The following IL15 variants were observed in gnomAD, a reference collection of about 807,000 sequenced individuals.
IL15 encodes interleukin 15.
IL15 carries 11 observed loss-of-function variants against 19.6 expected under a neutral mutation model. The ratio of observed to expected loss-of-function variants is 0.56; its 90% confidence interval spans 0.35 to 0.93. The LOEUF is 0.93. Ranked by LOEUF, IL15 falls within the 40% of genes least tolerant of loss-of-function variation. IL15 has a pLI of 0.01. For missense variants in IL15, 197 were observed against 186.5 expected (o/e 1.06, Z -0.33); for synonymous variants, 58 against 59.6 (o/e 0.97, Z 0.12).
intron 1 of IL15, among the ~76,000 whole-genome samples, chr4:141,641,737 T>G (rs1200130206): frequency 6.6e-6 from 1 of 150,696 alleles, no homozygotes; most frequent in Non-Finnish European, 1.5e-5. Flanking sequence ...ATATACCTAA[T>G]GTAAATGACG....
chr4:141,720,793 A>G (rs937485858), intron 4 of IL15: 14 of 560,220 alleles, frequency 2.5e-5, no homozygotes, highest in African/African-American at 1.5e-4. Context: ...ATAGCCCTCA[A>G]ATAAATTGGG....
chr4:141,637,599 A>G (rs903946681), intron 1 of IL15, among the ~76,000 whole-genome samples: 7 of 152,178 alleles, frequency 4.6e-5, no homozygotes, highest in African/African-American at 1.7e-4. Context: ...TAGCAAGGGT[A>G]TATAGTTCAT....
At chr4:141,638,892 A>G (rs1400958230) in intron 1 of IL15, among the ~76,000 whole-genome samples, 1 of 152,192 alleles carries the variant, frequency 6.6e-6, no homozygotes, top group Non-Finnish European at 1.5e-5. Flanking sequence ...TTGAAAATAT[A>G]GACTACTGTC....
intron 2 of IL15, among the ~76,000 whole-genome samples, chr4:141,712,843 C>G (rs1729755132): frequency 6.6e-6 from 1 of 151,410 alleles, no homozygotes; most frequent in African/African-American, 2.4e-5. Context: ...ACCAATTTGT[C>G]TTATTTTAAG....
At chr4:141,668,525 C>A (rs72712404) in intron 2 of IL15, among the ~76,000 whole-genome samples, 1 of 152,148 alleles carries the variant, frequency 6.6e-6, no homozygotes, top group South Asian at 2.1e-4. Flanking sequence ...TGAGACTACC[C>A]TTCATGTTGG....
intron 2 of IL15, among the ~76,000 whole-genome samples, chr4:141,701,634 T>A (rs140605432): frequency 5.3e-5 from 8 of 152,326 alleles, no homozygotes; most frequent in African/African-American, 1.7e-4. Context: ...TGGTAGTCAC[T>A]GGTTGTAGCT....
chr4:141,714,079 TCTC>T (rs1466557165), intron 2 of IL15, among the ~76,000 whole-genome samples: 1 of 151,920 alleles, frequency 6.6e-6, no homozygotes, highest in African/African-American at 2.4e-5. Context: ...TCCTCTTCCC[TCTC>T]CTCCTCCTCC....
intron 2 of IL15, among the ~76,000 whole-genome samples, chr4:141,704,808 G>A (rs1338185352): frequency 6.6e-6 from 1 of 151,264 alleles, no homozygotes; most frequent in East Asian, 1.9e-4. Flanking sequence ...TTTTAATTTT[G>A]ATAGGTCATA....
At chr4:141,672,158 C>A (rs983892410) in intron 2 of IL15, among the ~76,000 whole-genome samples, 2 of 152,064 alleles carry the variant, frequency 1.3e-5, no homozygotes, top group East Asian at 1.9e-4. Context: ...CAACTTCTAA[C>A]CAATAGGTTA....
intron 2 of IL15, among the ~76,000 whole-genome samples, chr4:141,684,137 C>T (rs1728632952): frequency 6.6e-6 from 1 of 152,106 alleles, no homozygotes. Context: ...CCAGCCTGTA[C>T]CCAGACAGCT....
In IL15 at chr4:141,649,942, A is replaced by G. The variant is rs115898336; in HGVS notation, c.-221-6244A>G. On this transcript the variant is annotated intron_variant, in intron 1 of 7. Transcript: ENST00000320650. ...CAACAAATTTAATACAGGGCTCAGA[A>G]AAACATTTTTTGTTTTACATTTTGG... is the stretch of plus-strand genomic sequence containing the variant. 9.7e-3 allele frequency among the ~76,000 whole-genome samples: 1,480 copies of G among 152,262 alleles called. 23 individuals are homozygous for G. Among genetic ancestry groups the G allele is most frequent in the African/African-American group, 0.034 (1,423 of 41,562 alleles).
chr4:141,659,601 T>C (rs150892596), intron 2 of IL15, among the ~76,000 whole-genome samples: 1 of 152,338 alleles, frequency 6.6e-6, no homozygotes, highest in African/African-American at 2.4e-5. Flanking sequence ...ATTTGAGACA[T>C]TTTTAGTAAT....
chr4:141,698,136 T>C (rs1320846655), intron 2 of IL15, among the ~76,000 whole-genome samples: 2 of 152,088 alleles, frequency 1.3e-5, no homozygotes, highest in African/African-American at 4.8e-5. Context: ...TGATGTATCA[T>C]ATTTATTGAC....
chr4:141,709,990 G>A (rs1239902665), intron 2 of IL15, among the ~76,000 whole-genome samples: 1 of 152,028 alleles, frequency 6.6e-6, no homozygotes, highest in Non-Finnish European at 1.5e-5. Flanking sequence ...AGAAGATGCA[G>A]TATTTGATTT....
At chr4:141,667,293 G>A (rs1029078264) in intron 2 of IL15, among the ~76,000 whole-genome samples, 3 of 152,122 alleles carry the variant, frequency 2.0e-5, no homozygotes, top group Non-Finnish European at 2.9e-5. Context: ...ATAACTGATC[G>A]GTTAGAAGCC....
At chr4:141,656,051 T>C (rs367590963) in intron 1 of IL15, 135 bp from the exon 2 acceptor site, 3 of 394,342 alleles carry the variant, frequency 7.6e-6, no homozygotes, top group African/African-American at 4.1e-5. Context: ...TCTTGACTTA[T>C]GCAGTTTTCT....
intron 1 of IL15, among the ~76,000 whole-genome samples, chr4:141,654,726 G>C (rs1308177965): frequency 6.6e-6 from 1 of 152,156 alleles, no homozygotes; most frequent in Admixed American, 6.5e-5. Flanking sequence ...TTGTTATAAT[G>C]CTTTCAAGTA....
At chr4:141,724,358 G>GA (rs1358350381) in intron 5 of IL15, among the ~76,000 whole-genome samples, 3 of 151,534 alleles carry the variant, frequency 2.0e-5, no homozygotes, top group Non-Finnish European at 2.9e-5. Context: ...GAATACATTA[G>GA]AAAAAAAGGA....
At chr4:141,699,253 G>T (rs1386527359) in intron 2 of IL15, among the ~76,000 whole-genome samples, 1 of 152,088 alleles carries the variant, frequency 6.6e-6, no homozygotes, top group African/African-American at 2.4e-5. Flanking sequence ...TTATCATATG[G>T]TCTATCTTGT....
Sources: gnomAD v4.1 joint callset for allele counts (sites outside exome capture counted in the v4.1 genomes callset) on GRCh38, gnomAD v4.1.1 for gene constraint, MANE v1.5 for transcripts, NCBI Gene and HGNC (gene_info 2026-07-23, HGNC 2026-07-21) for gene names.